CDK13: variants seen among roughly 807,000 people sequenced by gnomAD.
The protein encoded by CDK13 is cyclin dependent kinase 13.
In CDK13, 40 loss-of-function variants were observed where a neutral mutation model predicts 137.6. That is an observed-to-expected ratio of 0.29 (90% CI 0.23 to 0.38). The LOEUF is 0.38. Among genes scored for constraint, CDK13 ranks in the 10% least tolerant of loss-of-function variants. CDK13 has a pLI of 1.00. For missense variants in CDK13, 1,704 were observed against 1,951.8 expected, an observed-to-expected ratio of 0.87 and a Z score of 2.39; for synonymous variants, 869 against 760.1, an observed-to-expected ratio of 1.14 and a Z score of -2.36.
chr7:40,087,544 G>C (rs1016824315), intron 11 of CDK13, among the ~76,000 whole-genome samples: 1 of 123,048 alleles, frequency 8.1e-6, no homozygotes, highest in Non-Finnish European at 1.6e-5. Flanking sequence ...AGCAATAGTG[G>C]TGTTTTTTTT....
intron 1 of CDK13, among the ~76,000 whole-genome samples, chr7:39,968,137 G>A (rs754546895): frequency 2.0e-5 from 3 of 152,180 alleles, no homozygotes; most frequent in Non-Finnish European, 4.4e-5. Flanking sequence ...GAATATTAAT[G>A]TGTTATCAGA....
chr7:40,027,437 A>G (rs565522887), intron 5 of CDK13, among the ~76,000 whole-genome samples: 1 of 152,244 alleles, frequency 6.6e-6, no homozygotes, highest in South Asian at 2.1e-4. Flanking sequence ...AATCTTCACA[A>G]TCCACTTTGT....
chr7:40,086,807 CTCT>C, intron 11 of CDK13, among the ~76,000 whole-genome samples: 1 of 141,022 alleles, frequency 7.1e-6, no homozygotes, highest in African/African-American at 2.5e-5. Context: ...TCTAGCCTTA[CTCT>C]TTTTTTTTTT....
At chr7:39,996,987 A>AAAAAAAAAAAC (rs1562719405) in intron 2 of CDK13, among the ~76,000 whole-genome samples, 6 of 150,938 alleles carry the variant, frequency 4.0e-5, no homozygotes, top group African/African-American at 1.2e-4. Context: ...GAAAAAAAAA[A>AAAAAAAAAAAC]AGAAAAATGC....
intron 5 of CDK13, among the ~76,000 whole-genome samples, chr7:40,030,272 TATAGAG>T (rs1359967829): frequency 5.3e-5 from 7 of 133,140 alleles, no homozygotes; most frequent in Admixed American, 3.5e-4. Context: ...TATATATATA[TATAGAG>T]AGAGAGAGAG....
At position 40,095,916 on chromosome 7, in the gene CDK13, T is replaced by C. The variant is rs1006670586; in HGVS notation, c.*936T>C. On this transcript the variant is annotated 3_prime_UTR_variant, in exon 14 of 14. Transcript: ENST00000181839. ...GGGGAGTGAGAGCAAAGAAAGGGAG[T>C]AGAACTGCAATCAGTACATATTGTT... 8.6e-5 allele frequency: 13 copies of C among 152,042 alleles called. No individual in the cohort carries two copies. Among genetic ancestry groups the C allele is most frequent in the African/African-American group, 3.1e-4 (13 of 41,382 alleles). 9.4% of individuals were successfully genotyped at this position (152,042 alleles called of 1,614,324 possible).
chr7:40,053,820 A>C (rs898144818), intron 7 of CDK13, among the ~76,000 whole-genome samples: 1 of 150,526 alleles, frequency 6.6e-6, no homozygotes, highest in Non-Finnish European at 1.5e-5. Flanking sequence ...GTTTGTGTAC[A>C]TCACTTTATT....
Position 40,095,110 on chromosome 7 carries a change from C to A in CDK13, c.*130C>A. The A allele has an allele frequency of 2.6e-6, 2 of 777,622 alleles. No homozygotes were observed. Among genetic ancestry groups the A allele is most frequent in the Non-Finnish European group, 3.7e-6 (2 of 545,274 alleles). 48.2% of individuals were successfully genotyped at this position (777,622 alleles called of 1,614,324 possible). On this transcript the variant is annotated 3_prime_UTR_variant, in exon 14 of 14. Transcript: ENST00000181839. ...GCTTTATTTTTATGTGGAGAAGGGT[C>A]TTGCATACAATAGTTTAAAAAAGAC...
At chr7:40,049,910 G>C (rs970381454) in intron 7 of CDK13, among the ~76,000 whole-genome samples, 4 of 151,724 alleles carry the variant, frequency 2.6e-5, no homozygotes, top group African/African-American at 9.7e-5. Flanking sequence ...TAAATGACAG[G>C]ATTTCCTTGT....
intron 2 of CDK13, among the ~76,000 whole-genome samples, chr7:39,996,133 GTAT>G (rs1484211086): frequency 6.6e-6 from 1 of 152,220 alleles, no homozygotes; most frequent in East Asian, 1.9e-4. Context: ...TTATCAGATG[GTAT>G]TATTAAGTTG....
chr7:40,076,569 G>A (rs1225089042), intron 9 of CDK13, among the ~76,000 whole-genome samples: 1 of 151,480 alleles, frequency 6.6e-6, no homozygotes, highest in East Asian at 1.9e-4. Context: ...AGGAGGTTGT[G>A]AAAATTGGAC....
intron 2 of CDK13, among the ~76,000 whole-genome samples, chr7:39,990,593 A>G (rs1784436533): frequency 6.6e-6 from 1 of 152,172 alleles, no homozygotes; most frequent in African/African-American, 2.4e-5. Flanking sequence ...GGCACAGGAG[A>G]CTTATTTTAT....
chr7:40,019,195 T>C (rs935417451), intron 5 of CDK13, among the ~76,000 whole-genome samples: 1 of 152,206 alleles, frequency 6.6e-6, no homozygotes, highest in African/African-American at 2.4e-5. Context: ...TTTACTGTCT[T>C]AATAGTAGCC....
At chr7:39,981,936 C>T (rs1397966610) in intron 1 of CDK13, among the ~76,000 whole-genome samples, 4 of 148,894 alleles carry the variant, frequency 2.7e-5, no homozygotes, top group Non-Finnish European at 4.5e-5. Context: ...GGACCACAGG[C>T]GCCCGCCACT....
intron 7 of CDK13, among the ~76,000 whole-genome samples, chr7:40,049,577 C>T (rs551814837): frequency 1.3e-5 from 2 of 152,198 alleles, no homozygotes; most frequent in South Asian, 4.1e-4. Flanking sequence ...ATGCATTACC[C>T]CACATTTTTT....
chr7:40,034,683 G>A (rs971228153), intron 5 of CDK13, among the ~76,000 whole-genome samples: 1 of 152,142 alleles, frequency 6.6e-6, no homozygotes, highest in Non-Finnish European at 1.5e-5. Flanking sequence ...AAGTGGGATA[G>A]CTAAGTCAAA....
At chr7:40,055,018 A>T (rs1283940711) in intron 7 of CDK13, among the ~76,000 whole-genome samples, 2 of 152,182 alleles carry the variant, frequency 1.3e-5, no homozygotes, top group African/African-American at 4.8e-5. Flanking sequence ...TCTATTTTAA[A>T]AAAAGTAGAA....
At chr7:40,052,088 A>G (rs1053391416) in intron 7 of CDK13, among the ~76,000 whole-genome samples, 5 of 152,172 alleles carry the variant, frequency 3.3e-5, no homozygotes, top group Non-Finnish European at 5.9e-5. Context: ...TTCTCTCTTT[A>G]TGTGACCGTC....
chr7:40,064,984 T>A (rs1287986996), intron 9 of CDK13, among the ~76,000 whole-genome samples: 5 of 75,878 alleles, frequency 6.6e-5, no homozygotes, highest in Non-Finnish European at 9.7e-5. Context: ...TTTTTTTTTT[T>A]TTTTTTTGGA....
Sources: gnomAD v4.1 joint callset for allele counts (sites outside exome capture counted in the v4.1 genomes callset) on GRCh38, gnomAD v4.1.1 for gene constraint, MANE v1.5 for transcripts, NCBI Gene and HGNC (gene_info 2026-07-23, HGNC 2026-07-21) for gene names.